Variants in AGPS observed in about 807,000 individuals in gnomAD.
AGPS encodes alkyldihydroxyacetonephosphate synthase, peroxisomal.
Under a neutral mutation model 90.7 loss-of-function variants are expected in AGPS, and 26 were observed. The ratio of observed to expected loss-of-function variants is 0.29; its 90% CI spans 0.21 to 0.40. The LOEUF is 0.40. Among genes scored for constraint, AGPS ranks in the 10% least tolerant of loss-of-function variants. The pLI is 1.00. For missense variants in AGPS, 540 were observed against 816.1 expected (o/e 0.66, Z 4.12); for synonymous variants, 294 against 285.3 (o/e 1.03, Z -0.31).
In AGPS at chr2:177,396,278, G is replaced by A. The variant is rs531130623; in HGVS notation, c.260+3229G>A. Among the ~76,000 whole-genome samples the A allele has an allele frequency of 2.0e-5, 3 of 152,292 alleles. No individual in the cohort carries two copies. In the East Asian group the frequency reaches 5.8e-4, roughly 29 times the overall value. ...AGAATAAAATGAAAGGAGGGCAGTG[G>A]CAGGTCATGGAGGTCTTTGGCTTGT... On this transcript the variant is annotated intron_variant, in intron 1 of 19. Transcript: ENST00000264167.
At chr2:177,416,526 G>T (rs563876279) in intron 1 of AGPS, among the ~76,000 whole-genome samples, 84 of 151,058 alleles carry the variant, frequency 5.6e-4, no homozygotes, top group African/African-American at 1.8e-3. Flanking sequence ...GTTTTTTTTT[G>T]TTTTGTTTTG....
intron 19 of AGPS, among the ~76,000 whole-genome samples, chr2:177,525,958 T>A (rs994072653): frequency 1.3e-5 from 2 of 152,174 alleles, no homozygotes; most frequent in African/African-American, 4.8e-5. Flanking sequence ...ACAGAGTCTG[T>A]GTAAACATAC....
At chr2:177,466,331 AG>A (rs1242579154) in intron 9 of AGPS, among the ~76,000 whole-genome samples, 7 of 152,032 alleles carry the variant, frequency 4.6e-5, no homozygotes, top group Non-Finnish European at 7.4e-5. Context: ...TTCAGAGGGG[AG>A]GAAGTTTGTG....
At chr2:177,416,323 A>G (rs1685783561) in intron 1 of AGPS, among the ~76,000 whole-genome samples, 1 of 152,214 alleles carries the variant, frequency 6.6e-6, no homozygotes, top group South Asian at 2.1e-4. Context: ...GAATATGTAC[A>G]TCATGTACAT....
rs1042155951 is a variant in AGPS at position 177,497,670 on chromosome 2, A to T, written c.1286-19A>T. 3.4e-5 allele frequency: 49 copies of T among 1,453,676 alleles called. No homozygotes were observed. Among genetic ancestry groups the T allele is most frequent in the Non-Finnish European group, 4.4e-5 (47 of 1,061,898 alleles). The allele number at this position is 1,453,676 out of a possible 1,614,324, so 90.0% of individuals were successfully genotyped here. A position where few individuals can be genotyped will look rare whatever the true frequency, so the allele number is the denominator to read the frequency against. Reference sequence around the variant, plus strand: ...AAACATAGACTAACCTATTAATATAAACTTTTTTCTCTTCTTAGGTCATGC... The same window carrying T: ...AAACATAGACTAACCTATTAATATATACTTTTTTCTCTTCTTAGGTCATGC... On this transcript the variant is annotated intron_variant, in intron 12 of 19. Coordinates refer to ENST00000264167, the MANE Select transcript of AGPS (RefSeq NM_003659.4).
chr2:177,481,929 A>G (rs1313680977), intron 10 of AGPS, 130 bp from the exon 11 acceptor site: 2 of 626,324 alleles, frequency 3.2e-6, no homozygotes, highest in African/African-American at 2.6e-5. Context: ...TTGAGTAGCC[A>G]TTATTCCCCA....
At chr2:177,425,335 T>A (rs1686047006) in intron 2 of AGPS, among the ~76,000 whole-genome samples, 1 of 152,082 alleles carries the variant, frequency 6.6e-6, no homozygotes, top group African/African-American at 2.4e-5. Context: ...AAATAGGGAA[T>A]CCTGGCCGGG....
intron 17 of AGPS, among the ~76,000 whole-genome samples, chr2:177,515,400 T>A (rs972086633): frequency 6.6e-6 from 1 of 152,164 alleles, no homozygotes; most frequent in Non-Finnish European, 1.5e-5. Context: ...AAATCTATTC[T>A]TGTGTAGTTG....
intron 16 of AGPS, among the ~76,000 whole-genome samples, chr2:177,511,252 A>G (rs1030680293): frequency 6.6e-6 from 1 of 151,940 alleles, no homozygotes; most frequent in Non-Finnish European, 1.5e-5. Flanking sequence ...GGTGCACGTC[A>G]CCATGCTTGG....
intron 14 of AGPS, among the ~76,000 whole-genome samples, chr2:177,502,538 G>A (rs763488990): frequency 1.3e-5 from 2 of 150,348 alleles, no homozygotes; most frequent in Non-Finnish European, 3.0e-5. Context: ...CTCTTCAGCC[G>A]CCTGAGTAGC....
At chr2:177,400,768 C>A (rs1020368634) in intron 1 of AGPS, among the ~76,000 whole-genome samples, 1 of 152,214 alleles carries the variant, frequency 6.6e-6, no homozygotes, top group Non-Finnish European at 1.5e-5. Flanking sequence ...TCAGAGACCT[C>A]ATCCTATAAG....
At chr2:177,426,317 A>G (rs1312325716) in intron 2 of AGPS, among the ~76,000 whole-genome samples, 1 of 152,202 alleles carries the variant, frequency 6.6e-6, no homozygotes, top group Non-Finnish European at 1.5e-5. Context: ...TTTTCTAGAT[A>G]CAGGATCATG....
intron 16 of AGPS, among the ~76,000 whole-genome samples, chr2:177,509,167 C>T (rs1007767624): frequency 6.6e-6 from 1 of 152,110 alleles, no homozygotes; most frequent in Non-Finnish European, 1.5e-5. Flanking sequence ...TGAGTTAGTA[C>T]GCTGGTGTTC....
intron 1 of AGPS, chr2:177,393,670 C>A: frequency 1.4e-6 from 1 of 690,552 alleles, no homozygotes; most frequent in Non-Finnish European, 1.8e-6. Context: ...CTCTGTGTAA[C>A]CAGAAGCTAA....
chr2:177,420,396 A>G lies in AGPS; in HGVS notation c.350+38A>G, dbSNP rs561217169. 17 of 1,447,006 alleles carry G rather than the reference A, an allele frequency of 1.2e-5. No homozygotes were observed. In the East Asian group the frequency reaches 1.4e-4, roughly 12 times the overall value. The allele number at this position is 1,447,006 out of a possible 1,614,324, so 89.6% of individuals were successfully genotyped here. ...TATTTCTTCTTTTGTTCCTCCTTTA[A>G]TTCTTTCTTTCTATGAAAAATTTTA... is the stretch of plus-strand genomic sequence containing the variant. On this transcript the variant is annotated intron_variant, in intron 2 of 19. Transcript: ENST00000264167.
intron 14 of AGPS, among the ~76,000 whole-genome samples, chr2:177,500,195 C>G (rs1688519250): frequency 1.3e-5 from 2 of 151,962 alleles, no homozygotes; most frequent in Non-Finnish European, 2.9e-5. Context: ...CTGTCACTTA[C>G]TGTTTTGTGC....
rs1688687321 is a variant in AGPS, at chr2:177,505,633, T to C, written c.1545+58T>C. On this transcript the variant is annotated intron_variant, in intron 15 of 19. Transcript: ENST00000264167. ...TTTATGTTGCAAACAATACTTTTTC[T>C]TACTTTAAGTGAATGCAATTGTCTT... 2.1e-6 allele frequency: 3 copies of C among 1,460,446 alleles called. No individual in the cohort carries two copies. In the Middle Eastern group the frequency reaches 5.3e-4, roughly 257 times the overall value. The allele number at this position is 1,460,446 out of a possible 1,614,324, so 90.5% of individuals were successfully genotyped here. A position where few individuals can be genotyped will look rare whatever the true frequency, so the allele number is the denominator to read the frequency against.
At chr2:177,488,828 A>T (rs1688169832) in intron 11 of AGPS, among the ~76,000 whole-genome samples, 1 of 152,204 alleles carries the variant, frequency 6.6e-6, no homozygotes, top group Non-Finnish European at 1.5e-5. Context: ...TTCATTCCTT[A>T]GCCATGGACC....
intron 19 of AGPS, 115 bp from the exon 20 acceptor site, chr2:177,537,959 C>G (rs962717535): frequency 7.0e-7 from 1 of 1,422,186 alleles, no homozygotes; most frequent in African/African-American, 1.4e-5. Context: ...CAAAACATTT[C>G]TCATTTTTGA....
Sources: allele counts gnomAD v4.1 joint callset (sites outside exome capture counted in the v4.1 genomes callset), GRCh38; gene constraint gnomAD v4.1.1; transcripts MANE v1.5; gene names NCBI Gene and HGNC (gene_info 2026-07-23, HGNC 2026-07-21).